The following UGT8 variants were observed in gnomAD, a reference collection of about 807,000 sequenced individuals.
The protein encoded by UGT8 is 2-hydroxyacylsphingosine 1-beta-galactosyltransferase.
In UGT8, 12 loss-of-function variants were observed where a neutral mutation model predicts 40.5. That is an observed-to-expected ratio of 0.30 (90% CI 0.19 to 0.48). The LOEUF is 0.48. UGT8 is among the 20% of genes least tolerant of loss of function. UGT8 has a pLI of 0.99. For missense variants in UGT8, 513 were observed against 648.7 expected, an observed-to-expected ratio of 0.79 and a Z score of 2.27; for synonymous variants, 224 against 240.4, an observed-to-expected ratio of 0.93 and a Z score of 0.63.
chr4:114,659,222 A>G (rs1162997177), intron 2 of UGT8, among the ~76,000 whole-genome samples: 1 of 152,246 alleles, frequency 6.6e-6, no homozygotes. Flanking sequence ...ATATTTCCTT[A>G]TTATGCTACC....
At chr4:114,627,138 A>G (rs1182408813) in intron 2 of UGT8, among the ~76,000 whole-genome samples, 2 of 152,160 alleles carry the variant, frequency 1.3e-5, no homozygotes, top group African/African-American at 2.4e-5. Context: ...TCACATTCAT[A>G]TAGTGGTTTA....
At chr4:114,658,732 A>G (rs1734341702) in intron 2 of UGT8, among the ~76,000 whole-genome samples, 1 of 152,214 alleles carries the variant, frequency 6.6e-6, no homozygotes. Flanking sequence ...ATTTTCGGAT[A>G]GGGGGATGAG....
intron 2 of UGT8, among the ~76,000 whole-genome samples, chr4:114,654,169 T>C (rs1734040150): frequency 6.6e-6 from 1 of 152,092 alleles, no homozygotes; most frequent in African/African-American, 2.4e-5. Flanking sequence ...TTTGGTATTA[T>C]TGGCCTCAAC....
At chr4:114,622,582 C>T (rs1214993042) in intron 1 of UGT8, 2 of 276,610 alleles carry the variant, frequency 7.2e-6, no homozygotes, top group African/African-American at 4.5e-5. Flanking sequence ...TATTTCTCCA[C>T]ATCCTCTCCG....
At chr4:114,603,650 C>A (rs772090248) in intron 1 of UGT8, among the ~76,000 whole-genome samples, 1 of 152,004 alleles carries the variant, frequency 6.6e-6, no homozygotes, top group African/African-American at 2.4e-5. Context: ...CGGTTCCCAC[C>A]CCCTCTCGAG....
intron 5 of UGT8, 91 bp downstream of exon 5, chr4:114,668,395 T>TG: frequency 9.6e-7 from 1 of 1,038,776 alleles, no homozygotes; most frequent in Non-Finnish European, 1.4e-6. Flanking sequence ...GTCAATAAAT[T>TG]ATCAAATTAT....
chr4:114,606,738 G>A lies in UGT8; in HGVS notation c.-3+7764G>A, dbSNP rs543951177. ...GAAGTAGTTTAGAAGCAGGGGATAA[G>A]GACAAGATGGGGAGAAGGAAGGGAA... On this transcript the variant is annotated intron_variant, in intron 1 of 5. Coordinates refer to ENST00000310836, the MANE Select transcript of UGT8 (RefSeq NM_001128174.3). Among the ~76,000 whole-genome samples, 30 of 152,228 alleles carry A rather than the reference G, an allele frequency of 2.0e-4. No homozygotes were observed. The South Asian group carries it at 6.0e-3, about 31-fold the overall frequency.
intron 2 of UGT8, among the ~76,000 whole-genome samples, chr4:114,624,340 G>A (rs569158874): frequency 1.6e-4 from 25 of 152,258 alleles, no homozygotes; most frequent in Non-Finnish European, 2.5e-4. Flanking sequence ...TCTTTTTATT[G>A]ATTGAGCCAA....
At chr4:114,658,727 C>T (rs982457078) in intron 2 of UGT8, among the ~76,000 whole-genome samples, 5 of 151,934 alleles carry the variant, frequency 3.3e-5, no homozygotes, top group Admixed American at 2.0e-4. Flanking sequence ...TGTTTATTTT[C>T]GGATAGGGGG....
intron 1 of UGT8, among the ~76,000 whole-genome samples, chr4:114,611,970 T>C (rs146022414): frequency 0.012 from 1,773 of 152,242 alleles, 21 homozygotes; most frequent in Middle Eastern, 0.017. Context: ...CTCCAGGTGA[T>C]TGTGATGCCT....
chr4:114,659,840 A>T (rs1734409182), intron 2 of UGT8, among the ~76,000 whole-genome samples: 1 of 152,228 alleles, frequency 6.6e-6, no homozygotes, highest in South Asian at 2.1e-4. Context: ...AACATTGCAA[A>T]TATAAAAATG....
At chr4:114,656,932 A>G (rs927515243) in intron 2 of UGT8, 2 of 438,332 alleles carry the variant, frequency 4.6e-6, no homozygotes, top group Non-Finnish European at 9.1e-6. Flanking sequence ...GATATGTCCC[A>G]AGTGTCAGAT....
intron 2 of UGT8, among the ~76,000 whole-genome samples, chr4:114,654,288 G>GA (rs148516843): frequency 0.023 from 3,413 of 148,820 alleles, 59 homozygotes; most frequent in Non-Finnish European, 0.033. Context: ...ATCTTTATGA[G>GA]AAAAAAAAAA....
At chr4:114,641,659 T>A (rs1733231249) in intron 2 of UGT8, among the ~76,000 whole-genome samples, 1 of 152,166 alleles carries the variant, frequency 6.6e-6, no homozygotes, top group Non-Finnish European at 1.5e-5. Flanking sequence ...TTAACCATTG[T>A]AGTAAAGTGA....
At chr4:114,603,132 T>G (rs1730535027) in intron 1 of UGT8, among the ~76,000 whole-genome samples, 1 of 151,280 alleles carries the variant, frequency 6.6e-6, no homozygotes, top group South Asian at 2.1e-4. Context: ...GGATTGGGAG[T>G]GGGTGGTATA....
At chr4:114,640,296 C>G (rs928556646) in intron 2 of UGT8, among the ~76,000 whole-genome samples, 1 of 152,088 alleles carries the variant, frequency 6.6e-6, no homozygotes, top group Non-Finnish European at 1.5e-5. Flanking sequence ...TCCCAAAGTG[C>G]TGGGATTACA....
chr4:114,675,816 T>A, intron 5 of UGT8, 109 bp from the exon 6 acceptor site: 2 of 1,334,600 alleles, frequency 1.5e-6, no homozygotes, highest in Non-Finnish European at 1.0e-6. Flanking sequence ...GCAAGGTACT[T>A]ACTAAAGAAT....
intron 5 of UGT8, among the ~76,000 whole-genome samples, chr4:114,675,266 CTT>C (rs1478592305): frequency 6.6e-6 from 1 of 151,998 alleles, no homozygotes; most frequent in African/African-American, 2.4e-5. Context: ...CTGGTTGAAA[CTT>C]GTTGATTTAT....
intron 2 of UGT8, among the ~76,000 whole-genome samples, chr4:114,636,658 CT>C (rs960824221): frequency 2.0e-5 from 3 of 152,112 alleles, no homozygotes; most frequent in Non-Finnish European, 4.4e-5. Context: ...TTTGATTTCT[CT>C]TTTTTTACTT....
Sources: gnomAD v4.1 joint callset for allele counts (sites outside exome capture counted in the v4.1 genomes callset) on GRCh38, gnomAD v4.1.1 for gene constraint, MANE v1.5 for transcripts, NCBI Gene and HGNC (gene_info 2026-07-23, HGNC 2026-07-21) for gene names.